EPHA6: variants seen among roughly 807,000 people sequenced by gnomAD.
EPHA6 encodes the protein ephrin type-A receptor 6.
In EPHA6, 50 loss-of-function variants were observed where a neutral mutation model predicts 112.0. The observed-to-expected ratio is 0.45, with a 90% confidence interval of 0.36 to 0.56. The LOEUF is 0.56. Ranked by LOEUF, EPHA6 falls within the 20% of genes least tolerant of loss-of-function variation. The pLI, the probability that EPHA6 is intolerant of heterozygous loss-of-function variation, is 0.00. For missense variants in EPHA6, 1,280 were observed against 1,417.4 expected, an observed-to-expected ratio of 0.90 and a Z score of 1.56; for synonymous variants, 529 against 490.7, an observed-to-expected ratio of 1.08 and a Z score of -1.03.
intron 5 of EPHA6, among the ~76,000 whole-genome samples, chr3:97,327,187 A>G (rs990660359): frequency 1.3e-5 from 2 of 152,076 alleles, no homozygotes; most frequent in African/African-American, 4.8e-5. Flanking sequence ...TATGAAATAT[A>G]AAAGTACTTT....
rs2035950901 is a variant in EPHA6, at chr3:97,753,574, T to C, written c.*4873T>C. The stretch of plus-strand genomic sequence containing the variant: ...GTCTGATAGCATAGCTATCAGTTCG[T>C]ATATGGATTCACTACCTCAAAGGTG... On this transcript the variant is annotated 3_prime_UTR_variant, in exon 18 of 18. Coordinates refer to ENST00000389672, the MANE Select transcript of EPHA6 (RefSeq NM_001080448.3). Among the ~76,000 whole-genome samples, 1 of 152,200 alleles carries C rather than the reference T, an allele frequency of 6.6e-6. No homozygotes were observed.
At chr3:97,100,319 G>A (rs563003236) in intron 3 of EPHA6, among the ~76,000 whole-genome samples, 4 of 151,050 alleles carry the variant, frequency 2.6e-5, no homozygotes, top group Non-Finnish European at 4.4e-5. Context: ...CAATAGTAAA[G>A]AGATCAGTTT....
chr3:97,696,017 T>C (rs1164287937), intron 14 of EPHA6, among the ~76,000 whole-genome samples: 8 of 152,262 alleles, frequency 5.3e-5, no homozygotes, highest in African/African-American at 1.9e-4. Flanking sequence ...AAAAGATATT[T>C]ACCAAGTTGA....
At chr3:97,478,844 T>A (rs1451351057) in intron 8 of EPHA6, among the ~76,000 whole-genome samples, 4 of 152,090 alleles carry the variant, frequency 2.6e-5, no homozygotes, top group African/African-American at 7.2e-5. Context: ...AGCATGGTTA[T>A]CCAGAGGGAG....
At chr3:97,073,405 A>G (rs2046419628) in intron 3 of EPHA6, among the ~76,000 whole-genome samples, 1 of 152,116 alleles carries the variant, frequency 6.6e-6, no homozygotes, top group Non-Finnish European at 1.5e-5. Context: ...GAGCCAAGAG[A>G]GACAGTATCC....
In EPHA6 at chr3:97,209,910, A is replaced by G. The variant is rs143748826; in HGVS notation, c.1115-16354A>G. 5.9e-5 allele frequency among the ~76,000 whole-genome samples: 9 copies of G among 152,326 alleles called. No homozygotes were observed. The East Asian group carries it at 1.7e-3, about 29-fold the overall frequency. On this transcript the variant is annotated intron_variant, in intron 3 of 17. Coordinates refer to ENST00000389672, the MANE Select transcript of EPHA6 (RefSeq NM_001080448.3). ...CGATTCAATTCTAGGTTGAAAGACG[A>G]ATGTCTTACTTATTTTTTACAGAAA...
At chr3:97,187,288 C>T (rs1214169740) in intron 3 of EPHA6, among the ~76,000 whole-genome samples, 1 of 151,762 alleles carries the variant, frequency 6.6e-6, no homozygotes, top group Non-Finnish European at 1.5e-5. Context: ...TTAGGAATGC[C>T]ATATATAAGC....
chr3:97,297,113 G>A (rs912158612), intron 5 of EPHA6, among the ~76,000 whole-genome samples: 3 of 152,126 alleles, frequency 2.0e-5, no homozygotes, highest in Non-Finnish European at 4.4e-5. Context: ...GGCCCTGTGA[G>A]GGTTGAGAGA....
At chr3:97,246,797 A>T (rs928327142) in intron 5 of EPHA6, among the ~76,000 whole-genome samples, 1 of 151,920 alleles carries the variant, frequency 6.6e-6, no homozygotes, top group Non-Finnish European at 1.5e-5. Context: ...GATACCAAGA[A>T]GACCCCCTCT....
intron 3 of EPHA6, among the ~76,000 whole-genome samples, chr3:97,172,662 G>A (rs996283835): frequency 2.6e-5 from 4 of 151,884 alleles, no homozygotes; most frequent in African/African-American, 9.7e-5. Flanking sequence ...ATATGTATCT[G>A]TAGGTTTGTG....
chr3:96,910,001 A>T lies in EPHA6; in HGVS notation c.450+43112A>T, dbSNP rs539316022. 2.6e-5 allele frequency among the ~76,000 whole-genome samples: 4 copies of T among 152,070 alleles called. No individual in the cohort carries two copies. In the South Asian group the frequency reaches 6.2e-4, roughly 24 times the overall value. On this transcript the variant is annotated intron_variant, in intron 2 of 17. Transcript: ENST00000389672. ...CCATTTGTGCTTGCATAGTCGCATA[A>T]ATAGCTTGTTAATTACTGAGGATGC...
intron 2 of EPHA6, among the ~76,000 whole-genome samples, chr3:96,906,628 A>G (rs1258063273): frequency 2.0e-5 from 3 of 152,040 alleles, no homozygotes; most frequent in Non-Finnish European, 2.9e-5. Context: ...ACAATTTTCA[A>G]CCACATCATT....
intron 11 of EPHA6, among the ~76,000 whole-genome samples, chr3:97,592,287 A>G (rs898964287): frequency 9.2e-5 from 14 of 152,216 alleles, no homozygotes; most frequent in African/African-American, 3.4e-4. Context: ...GAATTCTGCA[A>G]ATAAACAACA....
intron 5 of EPHA6, among the ~76,000 whole-genome samples, chr3:97,324,385 A>C (rs1040429232): frequency 7.3e-6 from 1 of 136,238 alleles, no homozygotes; most frequent in African/African-American, 2.9e-5. Flanking sequence ...CCAGATTCTA[A>C]GATTTCTTTG....
Position 97,330,147 on chromosome 3 carries a change from T to G in EPHA6, c.1607-75003T>G, listed in dbSNP as rs897654018. ...GGTTGTAGATATGCAGCATTATTTC[T>G]GAGGGCTCTGTTCTGTTCCATTGGT... On this transcript the variant is annotated intron_variant, in intron 5 of 17. Coordinates refer to ENST00000389672, the MANE Select transcript of EPHA6 (RefSeq NM_001080448.3). Among the ~76,000 whole-genome samples the G allele has an allele frequency of 2.0e-5, 3 of 152,138 alleles. No individual in the cohort carries two copies. The South Asian group carries it at 6.2e-4, about 32-fold the overall frequency.
chr3:96,931,018 A>AAAT (rs1553733277), intron 2 of EPHA6, among the ~76,000 whole-genome samples: 2 of 84,576 alleles, frequency 2.4e-5, no homozygotes, highest in African/African-American at 4.2e-5. Flanking sequence ...AAAAAAAAAA[A>AAAT]AAAGAAAAGC....
At chr3:96,848,150 A>C (rs1472651285) in intron 1 of EPHA6, among the ~76,000 whole-genome samples, 1 of 152,026 alleles carries the variant, frequency 6.6e-6, no homozygotes, top group Non-Finnish European at 1.5e-5. Context: ...TTTACTATTA[A>C]TTTTAATATG....
At chr3:97,142,216 A>C (rs2108354584) in intron 3 of EPHA6, among the ~76,000 whole-genome samples, 1 of 152,176 alleles carries the variant, frequency 6.6e-6, no homozygotes, top group South Asian at 2.1e-4. Flanking sequence ...AATTCTGATA[A>C]TTCAGATGAT....
chr3:97,175,110 G>A lies in EPHA6; in HGVS notation c.1115-51154G>A, dbSNP rs147616884. Among the ~76,000 whole-genome samples, 405 of 151,886 alleles carry A rather than the reference G, an allele frequency of 2.7e-3. 1 individual carries two copies. The highest frequency in any genetic ancestry group is 9.5e-3 in the African/African-American group (393 of 41,510). On this transcript the variant is annotated intron_variant, in intron 3 of 17. Transcript: ENST00000389672. ...AATAGGGGTCTAGTTTCATTATTTT[G>A]CATGTGGATATTCAGTATTCCCAGC... is the stretch of plus-strand genomic sequence containing the variant.
Sources: gnomAD v4.1 joint callset for allele counts (sites outside exome capture counted in the v4.1 genomes callset) on GRCh38, gnomAD v4.1.1 for gene constraint, MANE v1.5 for transcripts, NCBI Gene and HGNC (gene_info 2026-07-23, HGNC 2026-07-21) for gene names.